The following TMEM132D variants were observed in gnomAD, a reference collection of about 807,000 sequenced individuals.
TMEM132D encodes the protein mature OL transmembrane protein.
A neutral mutation model predicts 62.3 loss-of-function variants in TMEM132D; 21 were observed. The observed-to-expected ratio is 0.34, with a 90% confidence interval of 0.24 to 0.49. TMEM132D has a LOEUF of 0.49. Ranked by LOEUF, TMEM132D falls within the 20% of genes least tolerant of loss-of-function variation. The probability of loss-of-function intolerance (pLI) is 0.99; values close to 1 mark genes in which losing one functional copy is unlikely to be tolerated. For missense variants in TMEM132D, 1,346 were observed against 1,402.8 expected, an observed-to-expected ratio of 0.96 and a Z score of 0.65; for synonymous variants, 621 against 575.6, an observed-to-expected ratio of 1.08 and a Z score of -1.13.
intron 1 of TMEM132D, among the ~76,000 whole-genome samples, chr12:129,706,157 G>C (rs2137232202): frequency 6.6e-6 from 1 of 152,000 alleles, no homozygotes; most frequent in Non-Finnish European, 1.5e-5. Context: ...TATATAAGTG[G>C]CTTAGATTAT....
At chr12:129,628,787 C>T (rs1332924275) in intron 2 of TMEM132D, among the ~76,000 whole-genome samples, 1 of 152,048 alleles carries the variant, frequency 6.6e-6, no homozygotes, top group African/African-American at 2.4e-5. Context: ...TCCTACATAC[C>T]TGCTGCTTTT....
chr12:129,640,544 T>C (rs1007232421), intron 2 of TMEM132D, among the ~76,000 whole-genome samples: 6 of 152,108 alleles, frequency 3.9e-5, no homozygotes, highest in South Asian at 2.1e-4. Context: ...GAAAGAACCA[T>C]GGAAATGCTA....
At chr12:129,619,256 C>T (rs962581463) in intron 2 of TMEM132D, among the ~76,000 whole-genome samples, 1 of 152,104 alleles carries the variant, frequency 6.6e-6, no homozygotes, top group African/African-American at 2.4e-5. Flanking sequence ...GGTCGAGGGG[C>T]CTTCGAATTT....
rs573222854 is a variant in TMEM132D, at chr12:129,861,598, T to C, written c.79+41663A>G. 6.6e-5 allele frequency among the ~76,000 whole-genome samples: 10 copies of C among 151,970 alleles called. No homozygotes were observed. In the South Asian group the frequency reaches 1.7e-3, roughly 25 times the overall value. ...CAACATGGCGAAACCCCATCTCTACTAAAAATACAAAAATTAGCCGGTCAT... is the reference window on the plus strand; with the variant it reads ...CAACATGGCGAAACCCCATCTCTACCAAAAATACAAAAATTAGCCGGTCAT... On this transcript the variant is annotated intron_variant, in intron 1 of 8. Coordinates refer to ENST00000422113, the MANE Select transcript of TMEM132D (RefSeq NM_133448.3).
intron 2 of TMEM132D, among the ~76,000 whole-genome samples, chr12:129,675,076 A>G (rs1880594613): frequency 6.6e-6 from 1 of 152,234 alleles, no homozygotes; most frequent in Non-Finnish European, 1.5e-5. Flanking sequence ...AGTAAGGAGT[A>G]AGAAATGCAG....
intron 2 of TMEM132D, among the ~76,000 whole-genome samples, chr12:129,628,764 C>T (rs1261118447): frequency 1.3e-5 from 2 of 152,132 alleles, no homozygotes; most frequent in Non-Finnish European, 2.9e-5. Flanking sequence ...CTCTCATCTT[C>T]CCATGACCAT....
intron 2 of TMEM132D, among the ~76,000 whole-genome samples, chr12:129,573,902 G>C (rs1338056690): frequency 1.3e-5 from 2 of 151,582 alleles, no homozygotes; most frequent in Non-Finnish European, 2.9e-5. Flanking sequence ...TCTACTCTAG[G>C]ATGGAAAAAA....
At chr12:129,192,898 C>T (rs193173901) in intron 5 of TMEM132D, among the ~76,000 whole-genome samples, 3 of 152,240 alleles carry the variant, frequency 2.0e-5, no homozygotes, top group African/African-American at 7.2e-5. Context: ...AGGCCAGGCG[C>T]GGTGGCTCAC....
intron 1 of TMEM132D, among the ~76,000 whole-genome samples, chr12:129,780,213 C>A (rs1275556040): frequency 6.6e-6 from 1 of 152,046 alleles, no homozygotes; most frequent in Non-Finnish European, 1.5e-5. Context: ...TTTGATCTCC[C>A]CGTCCCGCTG....
At chr12:129,588,730 A>G (rs1593077805) in intron 2 of TMEM132D, among the ~76,000 whole-genome samples, 1 of 126,614 alleles carries the variant, frequency 7.9e-6, no homozygotes, top group East Asian at 2.3e-4. Context: ...ACCTGCCACC[A>G]CGCCCAGCTA....
At chr12:129,715,567 T>C (rs1013220889) in intron 1 of TMEM132D, among the ~76,000 whole-genome samples, 4 of 152,216 alleles carry the variant, frequency 2.6e-5, no homozygotes, top group East Asian at 1.9e-4. Flanking sequence ...CATTTCTATC[T>C]GGTACAGGGA....
intron 1 of TMEM132D, among the ~76,000 whole-genome samples, chr12:129,781,535 T>A (rs1007235121): frequency 6.6e-6 from 1 of 152,234 alleles, no homozygotes; most frequent in East Asian, 1.9e-4. Flanking sequence ...CTGTTCTTTT[T>A]TCCCCCTCAT....
intron 1 of TMEM132D, among the ~76,000 whole-genome samples, chr12:129,783,053 G>A (rs563695532): frequency 2.6e-4 from 39 of 152,208 alleles, no homozygotes; most frequent in South Asian, 6.2e-4. Flanking sequence ...AGTAAACGTC[G>A]CCCTAAACTT....
chr12:129,076,803 G>A (rs1295939247), intron 8 of TMEM132D, among the ~76,000 whole-genome samples: 2 of 152,190 alleles, frequency 1.3e-5, no homozygotes, highest in Non-Finnish European at 2.9e-5. Context: ...AGCTCTGCAT[G>A]TCAGGAACGG....
intron 3 of TMEM132D, among the ~76,000 whole-genome samples, chr12:129,520,190 T>C (rs1322387268): frequency 6.6e-6 from 1 of 152,180 alleles, no homozygotes; most frequent in East Asian, 1.9e-4. Context: ...ACTCCCCTAC[T>C]CTCTTTCCAA....
intron 5 of TMEM132D, among the ~76,000 whole-genome samples, chr12:129,167,165 AAAAAAC>A (rs202134297): frequency 0.12 from 14,050 of 119,344 alleles, 786 homozygotes; most frequent in African/African-American, 0.16. Flanking sequence ...GTTTAAAAAA[AAAAAAC>A]AAAAAAAAAA....
intron 5 of TMEM132D, among the ~76,000 whole-genome samples, chr12:129,152,757 ACGTT>A (rs1227689866): frequency 1.3e-5 from 2 of 152,146 alleles, no homozygotes; most frequent in Non-Finnish European, 2.9e-5. Context: ...ATTTGCCCTC[ACGTT>A]CGTTTCTCTC....
Position 129,081,756 on chromosome 12 carries a change from T to TA in TMEM132D, c.1923+2dup, listed in dbSNP as rs397946924. On this transcript the variant is annotated splice_region_variant and intron_variant, in intron 7 of 8. Transcript: ENST00000422113. Reference sequence around the variant, plus strand: ...ATTTGGGGATTTTTTTTTTTTTTTTTACCTGAATGGTGGTCATCCCAAGCT... The same window carrying TA: ...ATTTGGGGATTTTTTTTTTTTTTTTTAACCTGAATGGTGGTCATCCCAAGCT... 6.5e-7 allele frequency: 1 copy of TA among 1,550,314 alleles called. No individual in the cohort carries two copies.
intron 1 of TMEM132D, among the ~76,000 whole-genome samples, chr12:129,801,514 C>T (rs1041650477): frequency 3.0e-4 from 45 of 151,568 alleles, no homozygotes; most frequent in Non-Finnish European, 5.2e-4. Context: ...ACAGAAAGGA[C>T]ATCCACACCA....
Sources: allele counts gnomAD v4.1 joint callset (sites outside exome capture counted in the v4.1 genomes callset), GRCh38; gene constraint gnomAD v4.1.1; transcripts MANE v1.5; gene names NCBI Gene and HGNC (gene_info 2026-07-23, HGNC 2026-07-21).